Variants in FGFR2 observed in about 807,000 individuals in gnomAD.
The protein encoded by FGFR2 is fibroblast growth factor receptor 2, also known as BEK fibroblast growth factor receptor.
Under a neutral mutation model 95.9 loss-of-function variants are expected in FGFR2, and 19 were observed. The ratio of observed to expected loss-of-function variants is 0.20; its 90% CI spans 0.14 to 0.29. The LOEUF (loss-of-function observed/expected upper bound fraction) is 0.29, where lower values mean the gene tolerates loss of function less well. Ranked by LOEUF, FGFR2 falls within the 10% of genes least tolerant of loss-of-function variation. The pLI is 1.00. For synonymous variants in FGFR2, 392 were observed against 393.3 expected, an observed-to-expected ratio of 1.00 and a Z score of 0.04; for missense variants, 707 against 1,056.9, an observed-to-expected ratio of 0.67 and a Z score of 4.59.
intron 5 of FGFR2, among the ~76,000 whole-genome samples, chr10:121,545,055 A>G (rs1854306850): frequency 2.0e-5 from 3 of 152,174 alleles, no homozygotes; most frequent in Admixed American, 2.0e-4. Context: ...AGGCAGGAGG[A>G]TCACTTGAAC....
At chr10:121,483,582 G>T (rs1845034242) in intron 17 of FGFR2, 116 bp downstream of exon 17, 1 of 758,692 alleles carries the variant, frequency 1.3e-6, no homozygotes, top group Non-Finnish European at 2.3e-6. Context: ...TATGGAAAAA[G>T]AATAAACAAG....
rs563139664 is a variant in FGFR2, at chr10:121,580,292, T to C, written c.109+13417A>G. Among the ~76,000 whole-genome samples, 5 of 152,250 alleles carry C rather than the reference T, an allele frequency of 3.3e-5. No homozygotes were observed. In the South Asian group the frequency reaches 1.0e-3, roughly 32 times the overall value. On this transcript the variant is annotated intron_variant, in intron 2 of 17. Transcript: ENST00000358487. Reference sequence around the variant, plus strand: ...CTCGGCCTTTCTTCTCTCAGCAGGATCTCGGTTCCAACACTCCTTCAGAGT... The same window carrying C: ...CTCGGCCTTTCTTCTCTCAGCAGGACCTCGGTTCCAACACTCCTTCAGAGT...
chr10:121,522,499 T>G (rs1015650306), intron 6 of FGFR2, among the ~76,000 whole-genome samples: 1 of 151,954 alleles, frequency 6.6e-6, no homozygotes, highest in African/African-American at 2.4e-5. Flanking sequence ...GAGGCTGCAG[T>G]GAGCCACGAT....
At chr10:121,541,989 G>A (rs1853830484) in intron 5 of FGFR2, among the ~76,000 whole-genome samples, 1 of 152,080 alleles carries the variant, frequency 6.6e-6, no homozygotes, top group Admixed American at 6.6e-5. Flanking sequence ...GCTTGTAAGA[G>A]CAAAAAACTG....
intron 2 of FGFR2, among the ~76,000 whole-genome samples, chr10:121,571,684 T>C (rs1858768742): frequency 6.6e-6 from 1 of 151,702 alleles, no homozygotes; most frequent in Non-Finnish European, 1.5e-5. Flanking sequence ...TGGCTCGTGC[T>C]TGTAATCCCA....
chr10:121,570,180 T>TCTGTCCCTGC (rs1171504204), intron 2 of FGFR2, among the ~76,000 whole-genome samples: 2 of 152,238 alleles, frequency 1.3e-5, no homozygotes, highest in Non-Finnish European at 1.5e-5. Flanking sequence ...TGGAAGCAGC[T>TCTGTCCCTGC]CTGTCCCTGC....
chr10:121,493,633 A>G (rs944700483), intron 13 of FGFR2, among the ~76,000 whole-genome samples: 46 of 152,228 alleles, frequency 3.0e-4, no homozygotes, highest in African/African-American at 9.9e-4. Flanking sequence ...TCAGGACCTG[A>G]CTTCAGGCTT....
At chr10:121,501,672 CTCTT>C (rs1262591751) in intron 10 of FGFR2, among the ~76,000 whole-genome samples, 2 of 152,112 alleles carry the variant, frequency 1.3e-5, no homozygotes, top group Non-Finnish European at 2.9e-5. Flanking sequence ...ATGAATACGG[CTCTT>C]TCTAACTTAA....
At chr10:121,572,292 T>G (rs1475869408) in intron 2 of FGFR2, among the ~76,000 whole-genome samples, 1 of 151,906 alleles carries the variant, frequency 6.6e-6, no homozygotes, top group African/African-American at 2.4e-5. Flanking sequence ...CATTCCTGCC[T>G]GGGTGACACA....
chr10:121,591,531 T>C (rs1862646207), intron 2 of FGFR2, among the ~76,000 whole-genome samples: 1 of 152,216 alleles, frequency 6.6e-6, no homozygotes, highest in Non-Finnish European at 1.5e-5. Flanking sequence ...TAATATTCAA[T>C]GACTATTAAT....
intron 6 of FGFR2, among the ~76,000 whole-genome samples, chr10:121,537,746 A>C (rs1041751448): frequency 6.6e-6 from 1 of 152,158 alleles, no homozygotes; most frequent in Non-Finnish European, 1.5e-5. Flanking sequence ...TGGCAGGTTG[A>C]AAGTCAAGGC....
chr10:121,540,849 C>T (rs571334310), intron 5 of FGFR2, among the ~76,000 whole-genome samples: 53 of 152,324 alleles, frequency 3.5e-4, no homozygotes, highest in Admixed American at 3.5e-3. Context: ...CTGTCAATGT[C>T]TTTCTTGTGC....
At chr10:121,505,081 A>G (rs928109329) in intron 9 of FGFR2, among the ~76,000 whole-genome samples, 11 of 152,230 alleles carry the variant, frequency 7.2e-5, no homozygotes, top group Non-Finnish European at 1.5e-5. Context: ...AACGCCTTCA[A>G]TCACACTGGC....
At chr10:121,496,831 T>TA in intron 12 of FGFR2, 109 bp from the exon 13 acceptor site, 7 of 928,806 alleles carry the variant, frequency 7.5e-6, no homozygotes, top group African/African-American at 3.4e-5. Flanking sequence ...TTTTTTTTTT[T>TA]AAAGTTTAAC....
chr10:121,563,118 G>A (rs1029820678), intron 4 of FGFR2, among the ~76,000 whole-genome samples: 12 of 152,158 alleles, frequency 7.9e-5, no homozygotes, highest in African/African-American at 2.7e-4. Flanking sequence ...GCTGACGCCT[G>A]TAGTCTCAGC....
In FGFR2 at chr10:121,520,108, G is replaced by C. The variant is rs150488750; in HGVS notation, c.810C>G (p.Val270=). 6.2e-7 allele frequency: 1 copy of C among 1,614,160 alleles called. No individual in the cohort carries two copies. Among genetic ancestry groups the C allele is most frequent in the Non-Finnish European group, 8.5e-7 (1 of 1,180,016 alleles). The change falls in exon 7 of 18, where the codon GTC becomes GTG. Residue 270 remains valine (V), a synonymous_variant. Coordinates refer to ENST00000358487, the MANE Select transcript of FGFR2 (RefSeq NM_000141.5). ...TGCAGACAAACTCTACGTCTCCTCCGACCACTGTGGAGGCATTTGCCGGCA... is the reference window on the plus strand; with the variant it reads ...TGCAGACAAACTCTACGTCTCCTCCCACCACTGTGGAGGCATTTGCCGGCA... The part of the protein sequence containing the change: ...AGLPANASTV[V]GGDVEFVCKV...
In FGFR2 at chr10:121,518,588, A is replaced by G; in HGVS notation, c.940-1125T>C. The G allele has an allele frequency of 1.4e-6, 2 of 1,423,564 alleles. No individual in the cohort carries two copies. Among genetic ancestry groups the G allele is most frequent in the Non-Finnish European group, 2.0e-6 (2 of 1,019,824 alleles). The allele number at this position is 1,423,564 out of a possible 1,614,324, so 88.2% of individuals were successfully genotyped here. ...ATACCAAGGCCACAAGAGTTATCCT[A>G]TAAGCTGCCTGCAGTCTCCCAAAGC... On this transcript the variant is annotated intron_variant, in intron 7 of 17. Transcript: ENST00000358487. The surrounding 1 kb of genome is among the most constrained non-coding windows in gnomAD (Gnocchi z 4.0).
chr10:121,517,261 T>C lies in FGFR2; in HGVS notation c.1084+58A>G, dbSNP rs756480374. On this transcript the variant is annotated intron_variant, in intron 8 of 17. Transcript: ENST00000358487. The surrounding 1 kb of genome is among the most constrained non-coding windows in gnomAD (Gnocchi z 4.7). ...TTCTGATAACAGAAGCTGTGTTAAT[T>C]TTATAGCAGTCAACCAAGAAAAGGG... The C allele has an allele frequency of 8.9e-6, 14 of 1,573,816 alleles. No individual in the cohort carries two copies. The highest frequency in any genetic ancestry group is 1.1e-5 in the Non-Finnish European group (13 of 1,143,736).
rs1178354709 is a variant in FGFR2, at chr10:121,492,672, C to T, written c.1863+3860G>A. Among the ~76,000 whole-genome samples the T allele has an allele frequency of 2.6e-5, 4 of 152,192 alleles. No homozygotes were observed. In the East Asian group the frequency reaches 7.7e-4, roughly 29 times the overall value. On this transcript the variant is annotated intron_variant, in intron 13 of 17. Coordinates refer to ENST00000358487, the MANE Select transcript of FGFR2 (RefSeq NM_000141.5). The stretch of plus-strand genomic sequence containing the variant: ...TCTCCACTTTCAAGAATAAGCCCTC[C>T]ATTTTTGGAAGCAGAGCCCTCGCAA...
Sources: gnomAD v4.1 joint callset for allele counts (sites outside exome capture counted in the v4.1 genomes callset) on GRCh38, gnomAD v4.1.1 for gene constraint, Gnocchi (gnomAD v3.1) non-coding constraint, MANE v1.5 for transcripts, NCBI Gene and HGNC (gene_info 2026-07-23, HGNC 2026-07-21) for gene names.